Variants in CHFR observed in about 807,000 individuals in gnomAD.
CHFR encodes E3 ubiquitin-protein ligase CHFR.
A neutral mutation model predicts 87.6 loss-of-function variants in CHFR; 57 were observed. The observed-to-expected ratio is 0.65, with a 90% CI of 0.53 to 0.81. CHFR has a LOEUF of 0.81. Ranked by LOEUF, CHFR falls within the 30% of genes least tolerant of loss-of-function variation. The pLI, the probability that CHFR is intolerant of heterozygous loss-of-function variation, is 0.00. For synonymous variants in CHFR, 381 were observed against 359.2 expected (o/e 1.06, Z -0.69); for missense variants, 797 against 865.8 (o/e 0.92, Z 1.00).
In CHFR at chr12:132,879,001, TTTTG is replaced by T. The variant is rs1293399102; in HGVS notation, c.134-1351_134-1348del. 7.5e-3 allele frequency among the ~76,000 whole-genome samples: 821 copies of T among 109,870 alleles called. 10 individuals are homozygous for T. The highest frequency in any genetic ancestry group is 0.023 in the African/African-American group (748 of 32,350). The allele number at this position is 109,870 out of a possible 152,430, so 72.1% of individuals were successfully genotyped here. A position where few individuals can be genotyped will look rare whatever the true frequency, so the allele number is the denominator to read the frequency against. ...GATAGGCATTTGTTTTTTTTTTTGTTTTTGTTTGTTTTTTTTTTTTTGAGATGGA... is the reference window on the plus strand; with the variant it reads ...GATAGGCATTTGTTTTTTTTTTTGTTTTTGTTTTTTTTTTTTTGAGATGGA... On this transcript the variant is annotated intron_variant, in intron 2 of 17. Transcript: ENST00000450056.
rs1481092256 is a variant in CHFR at position 132,870,735 on chromosome 12, T to C, written c.392A>G (p.Gln131Arg). Residue 131 changes from glutamine (Q) to arginine (R), a missense_variant, in exon 5 of 18, where the codon CAA (glutamine) becomes CGA (arginine). Physicochemically the swap from Gln to Arg is conservative, Grantham distance 43 (BLOSUM62 1). Around this residue, in one of 2 missense-constraint regions of CHFR, gnomAD observed 597 missense variants for 601.2 expected, o/e 0.99. Transcript: ENST00000450056. Reference protein sequence around the residue: ...ESLSEKQGMTQESFDTSGAGA... With the variant: ...ESLSEKQGMTRESFDTSGAGA... ...ACACTCTTACTTACCAAAGGATTCTTGTGTCATGCCTTGCTTTTCACTTAA... is the reference window on the plus strand; with the variant it reads ...ACACTCTTACTTACCAAAGGATTCTCGTGTCATGCCTTGCTTTTCACTTAA... The C allele has an allele frequency of 2.5e-6, 4 of 1,608,602 alleles. No individual in the cohort carries two copies. The highest frequency in any genetic ancestry group is 3.4e-6 in the Non-Finnish European group (4 of 1,175,036).
At chr12:132,870,860 C>T (rs1255285915) in intron 4 of CHFR, 77 bp from the exon 5 acceptor site, 2 of 838,738 alleles carry the variant, frequency 2.4e-6, no homozygotes, top group African/African-American at 1.7e-5. Flanking sequence ...TTCTGTTCTC[C>T]AGTCCATTTG....
At position 132,859,165 on chromosome 12, in the gene CHFR, C is replaced by A. The variant is rs199761208; in HGVS notation, c.814G>T (p.Val272Phe). Residue 272 changes from valine (V) to phenylalanine (F), a missense_variant, in exon 8 of 18, where the codon GTC becomes TTC. Val to Phe is a conservative substitution (Grantham distance 50). This residue lies in a region of CHFR where 597 missense variants were observed against 601.2 expected (regional missense o/e 0.99). Transcript: ENST00000450056. ...GCCGCTGCTCTGACGTCCTCGTGGA[C>A]GGTTTGGGCATTTCTACGCGGTTGT... is the stretch of plus-strand genomic sequence containing the variant. ...VAQPRRNAQT[V>F]HEDVRAAAGK... 1 of 1,614,054 alleles carries A rather than the reference C, an allele frequency of 6.2e-7. No individual in the cohort carries two copies. Among genetic ancestry groups the A allele is most frequent in the Admixed American group, 1.7e-5 (1 of 60,000 alleles).
intron 6 of CHFR, chr12:132,862,043 C>T: frequency 4.9e-6 from 1 of 204,368 alleles, no homozygotes; most frequent in Non-Finnish European, 1.0e-5. Flanking sequence ...GAGGCCGAAG[C>T]AAGTGGATCA....
intron 16 of CHFR, among the ~76,000 whole-genome samples, chr12:132,843,532 C>T (rs908413703): frequency 6.6e-6 from 1 of 152,164 alleles, no homozygotes; most frequent in African/African-American, 2.4e-5. Context: ...TAGAAACCCA[C>T]GTTACACTCA....
In CHFR at chr12:132,838,201, C is replaced by T. The variant is rs1262689766; in HGVS notation, c.*3353G>A. 1 of 152,510 alleles carries T rather than the reference C, an allele frequency of 6.6e-6. No homozygotes were observed. Among genetic ancestry groups the T allele is most frequent in the African/African-American group, 2.4e-5 (1 of 41,470 alleles). The allele number at this position is 152,510 out of a possible 1,614,324, so 9.4% of individuals were successfully genotyped here. A position where few individuals can be genotyped will look rare whatever the true frequency, so the allele number is the denominator to read the frequency against. ...TGGTGCTGGGAGCAGCCCCTGGACC[C>T]CGGCTCTCACACCTGGGCCCGACCA... is the stretch of plus-strand genomic sequence containing the variant. On this transcript the variant is annotated 3_prime_UTR_variant, in exon 18 of 18. Coordinates refer to ENST00000450056, the MANE Select transcript of CHFR (RefSeq NM_001161346.2).
intron 3 of CHFR, among the ~76,000 whole-genome samples, chr12:132,873,944 C>T (rs1017342403): frequency 1.1e-4 from 16 of 152,224 alleles, no homozygotes; most frequent in Admixed American, 1.3e-4. Context: ...GCTCACCACA[C>T]GCTCCGACCA....
intron 15 of CHFR, 67 bp downstream of exon 15, chr12:132,846,976 C>G: frequency 8.8e-7 from 1 of 1,130,172 alleles, no homozygotes; most frequent in Non-Finnish European, 1.3e-6. Flanking sequence ...ACTGGGAGAG[C>G]AGACACGCAG....
At chr12:132,878,590 C>A (rs1002590466) in intron 2 of CHFR, among the ~76,000 whole-genome samples, 30 of 150,614 alleles carry the variant, frequency 2.0e-4, no homozygotes, top group Middle Eastern at 3.6e-3. Flanking sequence ...CACACCGAGG[C>A]GGGCAGATCA....
intron 7 of CHFR, among the ~76,000 whole-genome samples, chr12:132,860,166 C>T (rs1366430630): frequency 6.6e-6 from 1 of 152,216 alleles, no homozygotes; most frequent in Non-Finnish European, 1.5e-5. Context: ...TGAGCTGTTT[C>T]TTCTGGTATT....
chr12:132,838,023 G>T lies in CHFR; in HGVS notation c.*3531C>A, dbSNP rs528308155. 6.6e-6 allele frequency: 1 copy of T among 152,262 alleles called. No homozygotes were observed. The highest frequency in any genetic ancestry group is 1.5e-5 in the Non-Finnish European group (1 of 68,090). 9.4% of individuals were successfully genotyped at this position (152,262 alleles called of 1,614,324 possible). A position where few individuals can be genotyped will look rare whatever the true frequency, so the allele number is the denominator to read the frequency against. On this transcript the variant is annotated 3_prime_UTR_variant, in exon 18 of 18. Coordinates refer to ENST00000450056, the MANE Select transcript of CHFR (RefSeq NM_001161346.2). ...GACTCTGGGGCCTCTTCAGGGAGCC[G>T]GCTGCAGCTGCCTCAGGGCCAGCAT...
chr12:132,876,880 C>T (rs1362995633), intron 3 of CHFR, among the ~76,000 whole-genome samples: 2 of 152,276 alleles, frequency 1.3e-5, no homozygotes, highest in Non-Finnish European at 1.5e-5. Context: ...CCACAATCTC[C>T]GACTCCCGGG....
At chr12:132,849,476 A>G (rs901070692) in intron 12 of CHFR, 1 of 152,350 alleles carries the variant, frequency 6.6e-6, no homozygotes, top group Admixed American at 6.5e-5. Context: ...ATCCCAGGAA[A>G]ACAGTGAGAG....
At chr12:132,849,591 T>A (rs1950896786) in intron 12 of CHFR, 2 of 148,066 alleles carry the variant, frequency 1.4e-5, no homozygotes, top group Non-Finnish European at 3.0e-5. Context: ...CTGCACATAT[T>A]CAGGTGGCTT....
chr12:132,864,549 C>T (rs1022373866), intron 6 of CHFR, among the ~76,000 whole-genome samples: 1 of 152,160 alleles, frequency 6.6e-6, no homozygotes, highest in African/African-American at 2.4e-5. Flanking sequence ...AGTGCAGTGG[C>T]AGGATATTGG....
intron 7 of CHFR, among the ~76,000 whole-genome samples, chr12:132,859,724 A>G (rs1187241687): frequency 6.6e-6 from 1 of 152,130 alleles, no homozygotes. Flanking sequence ...AATTAAAGAA[A>G]CTGTACACAA....
chr12:132,841,635 T>G, intron 17 of CHFR, 39 bp from the exon 18 acceptor site: 1 of 1,532,788 alleles, frequency 6.5e-7, no homozygotes, highest in Non-Finnish European at 9.0e-7. Flanking sequence ...AAGAGAGCAT[T>G]GGAGAGGCAA....
intron 2 of CHFR, among the ~76,000 whole-genome samples, chr12:132,879,333 T>C (rs1277395134): frequency 6.6e-6 from 1 of 151,808 alleles, no homozygotes; most frequent in Non-Finnish European, 1.5e-5. Flanking sequence ...AACTGCATCT[T>C]ATATACAGGG....
At position 132,841,536 on chromosome 12, in the gene CHFR, C is replaced by T. The variant is rs973123804; in HGVS notation, c.*18G>A. 1.0e-5 allele frequency: 16 copies of T among 1,607,908 alleles called. No homozygotes were observed. In the Admixed American group the frequency reaches 2.0e-4, roughly 20 times the overall value. On this transcript the variant is annotated 3_prime_UTR_variant, in exon 18 of 18. Coordinates refer to ENST00000450056, the MANE Select transcript of CHFR (RefSeq NM_001161346.2). ...TCTTCACCTCCAGTGCTGAAAGCTG[C>T]TCAGGGCCTCTGGATGCTTAGTTTT...
Sources: gnomAD v4.1 joint callset for allele counts (sites outside exome capture counted in the v4.1 genomes callset) on GRCh38, gnomAD v4.1.1 for gene constraint, gnomAD v4.1.1 regional missense constraint, MANE v1.5 for transcripts, NCBI Gene and HGNC (gene_info 2026-07-23, HGNC 2026-07-21) for gene names.